NCAM1: variants seen among roughly 807,000 people sequenced by gnomAD.
NCAM1 encodes the protein neural cell adhesion molecule 1.
Under a neutral mutation model 109.8 loss-of-function variants are expected in NCAM1, and 14 were observed. The observed-to-expected ratio is 0.13, with a 90% CI of 0.08 to 0.20. The LOEUF is 0.20. Among genes scored for constraint, NCAM1 ranks in the 10% least tolerant of loss-of-function variants. NCAM1 has a pLI of 1.00. For synonymous variants in NCAM1, 418 were observed against 442.9 expected, an observed-to-expected ratio of 0.94 and a Z score of 0.70; for missense variants, 774 against 1,109.9, an observed-to-expected ratio of 0.70 and a Z score of 4.30.
chr11:113,207,880 T>C lies in NCAM1; in HGVS notation c.794T>C (p.Phe265Ser). ...GAGGAAGACGATGAGAAGTACATCT[T>C]CAGCGACGATAGTTCCCAGCTGACC... The part of the protein sequence containing the change: ...EQEEDDEKYI[F>S]SDDSSQLTIK... Residue 265 changes from phenylalanine (F) to serine (S), a missense_variant, in exon 7 of 20, where the codon TTC (phenylalanine) becomes TCC (serine). By Grantham distance (155) the Phe-to-Ser change is radical. Around this residue, in one of 4 missense-constraint regions of NCAM1, gnomAD observed 523 missense variants for 784.2 expected, o/e 0.67. Transcript: ENST00000316851. 1 of 1,611,792 alleles carries C rather than the reference T, an allele frequency of 6.2e-7. No homozygotes were observed. The highest frequency in any genetic ancestry group is 8.5e-7 in the Non-Finnish European group (1 of 1,179,052).
chr11:113,259,490 T>C (rs1054019278), intron 16 of NCAM1, among the ~76,000 whole-genome samples: 1 of 152,212 alleles, frequency 6.6e-6, no homozygotes, highest in African/African-American at 2.4e-5. Context: ...GACATCCTTA[T>C]GCATATGTCC....
Position 113,274,769 on chromosome 11 carries a change from G to T in NCAM1, c.2457-498G>T, listed in dbSNP as rs1394421392. Among the ~76,000 whole-genome samples the T allele has an allele frequency of 6.6e-6, 1 of 152,210 alleles. No individual in the cohort carries two copies. The highest frequency in any genetic ancestry group is 1.5e-5 in the Non-Finnish European group (1 of 68,036). On this transcript the variant is annotated intron_variant, in intron 19 of 19. Transcript: ENST00000316851. The surrounding 1 kb of genome is among the most constrained non-coding windows in gnomAD (Gnocchi z 4.1). ...TCATCCTGCAACAGCACAGGGTGGG[G>T]TGGGGAAGGGACAGGCAAGAGTGGG...
intron 1 of NCAM1, among the ~76,000 whole-genome samples, chr11:113,145,518 T>G (rs1941984835): frequency 6.6e-6 from 1 of 152,172 alleles, no homozygotes; most frequent in Non-Finnish European, 1.5e-5. Flanking sequence ...TGAAGACAAC[T>G]CCAACATTGT....
At chr11:113,071,544 GCC>G (rs1938264805) in intron 1 of NCAM1, among the ~76,000 whole-genome samples, 2 of 151,168 alleles carry the variant, frequency 1.3e-5, no homozygotes, top group Non-Finnish European at 2.9e-5. Flanking sequence ...TCCTGCCTCA[GCC>G]TCCTGAGTAG....
At chr11:113,103,561 C>T (rs1476080837) in intron 1 of NCAM1, among the ~76,000 whole-genome samples, 1 of 152,120 alleles carries the variant, frequency 6.6e-6, no homozygotes, top group African/African-American at 2.4e-5. Flanking sequence ...CGTTACCTGC[C>T]TCCACACGTG....
chr11:113,172,129 C>A (rs782598254), intron 1 of NCAM1, among the ~76,000 whole-genome samples: 6 of 152,212 alleles, frequency 3.9e-5, no homozygotes, highest in Non-Finnish European at 8.8e-5. Flanking sequence ...CAAGGAATTT[C>A]TCTTTACCCT....
rs1441795574 is a variant in NCAM1 at position 113,056,010 on chromosome 11, TATATATATATATATAA to T, written c.52+94348_52+94363del. ...ATATATATATATATATATATATATA[TATATATATATATATAA>T]AATATATATATTATATATACACACA... On this transcript the variant is annotated intron_variant, in intron 1 of 19. Transcript: ENST00000316851. Among the ~76,000 whole-genome samples the T allele has an allele frequency of 2.6e-5, 3 of 116,052 alleles. No homozygotes were observed. In the East Asian group the frequency reaches 8.2e-4, roughly 32 times the overall value. 76.1% of individuals were successfully genotyped at this position (116,052 alleles called of 152,430 possible).
intron 1 of NCAM1, among the ~76,000 whole-genome samples, chr11:113,002,846 T>G (rs1951792097): frequency 6.6e-6 from 1 of 152,250 alleles, no homozygotes; most frequent in Admixed American, 6.5e-5. Context: ...AATTTTGGAT[T>G]CTGCTTTATG....
chr11:113,241,643 T>C (rs1471879674), intron 14 of NCAM1, among the ~76,000 whole-genome samples: 5 of 152,204 alleles, frequency 3.3e-5, no homozygotes, highest in Admixed American at 6.5e-5. Context: ...TCCTGTCCTT[T>C]TGTGTGCCTG....
At chr11:113,250,771 A>C (rs1945653947) in intron 15 of NCAM1, among the ~76,000 whole-genome samples, 1 of 152,166 alleles carries the variant, frequency 6.6e-6, no homozygotes, top group African/African-American at 2.4e-5. Flanking sequence ...AAAGTAGATG[A>C]ATAGAGAACA....
At chr11:113,124,987 G>A (rs1941119832) in intron 1 of NCAM1, among the ~76,000 whole-genome samples, 2 of 152,144 alleles carry the variant, frequency 1.3e-5, no homozygotes, top group African/African-American at 4.8e-5. Context: ...CAATATAATT[G>A]AAAAAGGTTT....
At chr11:113,128,822 C>A (rs2136101966) in intron 1 of NCAM1, among the ~76,000 whole-genome samples, 1 of 151,854 alleles carries the variant, frequency 6.6e-6, no homozygotes, top group South Asian at 2.1e-4. Flanking sequence ...GGGGTACAGG[C>A]CGTGTTTGTC....
At chr11:113,078,564 G>T (rs1555086564) in intron 1 of NCAM1, among the ~76,000 whole-genome samples, 2 of 152,090 alleles carry the variant, frequency 1.3e-5, no homozygotes, top group African/African-American at 4.8e-5. Flanking sequence ...GCCATGTTTG[G>T]ATGGGGAGTG....
chr11:112,971,024 T>C (rs377754770), intron 1 of NCAM1, among the ~76,000 whole-genome samples: 25 of 152,194 alleles, frequency 1.6e-4, no homozygotes, highest in South Asian at 1.2e-3. Flanking sequence ...TAGAAAAAGT[T>C]TGGGCCTCCT....
chr11:112,993,707 A>G (rs1208185273), intron 1 of NCAM1, among the ~76,000 whole-genome samples: 1 of 152,238 alleles, frequency 6.6e-6, no homozygotes, highest in Non-Finnish European at 1.5e-5. Flanking sequence ...TATAGTTTAA[A>G]AAGTTGAAAA....
chr11:113,072,698 A>T (rs1475341698), intron 1 of NCAM1, among the ~76,000 whole-genome samples: 1 of 148,288 alleles, frequency 6.7e-6, no homozygotes, highest in Non-Finnish European at 1.5e-5. Flanking sequence ...TACTTGAGAC[A>T]CTTCCCAAGT....
At chr11:113,168,193 CTA>C (rs1165407327) in intron 1 of NCAM1, among the ~76,000 whole-genome samples, 1 of 152,142 alleles carries the variant, frequency 6.6e-6, no homozygotes, top group African/African-American at 2.4e-5. Flanking sequence ...TGGAAAGGTG[CTA>C]TATACACAGT....
In NCAM1 at chr11:112,962,662, T is replaced by G. The variant is rs1950602158; in HGVS notation, c.52+998T>G. ...GGGTTGCGCCGCCGCCCAGAGAACCTCGGCAGTGTGCAGGGAGGTGCATTT... is the reference window on the plus strand; with the variant it reads ...GGGTTGCGCCGCCGCCCAGAGAACCGCGGCAGTGTGCAGGGAGGTGCATTT... On this transcript the variant is annotated intron_variant, in intron 1 of 19. Coordinates refer to ENST00000316851, the MANE Select transcript of NCAM1 (RefSeq NM_181351.5). The surrounding 1 kb of genome is among the most constrained non-coding windows in gnomAD (Gnocchi z 5.6). 6.6e-6 allele frequency among the ~76,000 whole-genome samples: 1 copy of G among 151,558 alleles called. No individual in the cohort carries two copies. Among genetic ancestry groups the G allele is most frequent in the Admixed American group, 6.6e-5 (1 of 15,266 alleles).
At chr11:113,061,609 C>T (rs1169778532) in intron 1 of NCAM1, among the ~76,000 whole-genome samples, 4 of 152,190 alleles carry the variant, frequency 2.6e-5, no homozygotes, top group Non-Finnish European at 1.5e-5. Context: ...TGTCCTGTTC[C>T]CCATTGGGCC....
Sources: gnomAD v4.1 joint callset for allele counts (sites outside exome capture counted in the v4.1 genomes callset) on GRCh38, gnomAD v4.1.1 for gene constraint, gnomAD v4.1.1 regional missense constraint, Gnocchi (gnomAD v3.1) non-coding constraint, MANE v1.5 for transcripts, NCBI Gene and HGNC (gene_info 2026-07-23, HGNC 2026-07-21) for gene names.